The following FBXW7 variants were observed in gnomAD, a reference collection of about 807,000 sequenced individuals.
FBXW7 encodes F-box/WD repeat-containing protein 7.
A neutral mutation model predicts 86.3 loss-of-function variants in FBXW7; 11 were observed. That is an observed-to-expected ratio of 0.13 (90% CI 0.08 to 0.21). The LOEUF (loss-of-function observed/expected upper bound fraction) is 0.21, where lower values mean the gene tolerates loss of function less well. Ranked by LOEUF, FBXW7 falls within the 10% of genes least tolerant of loss-of-function variation. FBXW7 has a pLI of 1.00. For synonymous variants in FBXW7, 313 were observed against 297.9 expected (o/e 1.05, Z -0.52); for missense variants, 488 against 847.4 (o/e 0.58, Z 5.27).
intron 2 of FBXW7, among the ~76,000 whole-genome samples, chr4:152,420,721 T>C (rs2126914553): frequency 6.6e-6 from 1 of 152,310 alleles, no homozygotes; most frequent in South Asian, 2.1e-4. Flanking sequence ...AGCAGTAATA[T>C]TTTGAAAGGA....
chr4:152,332,344 T>C (rs576188479), intron 8 of FBXW7, among the ~76,000 whole-genome samples: 1 of 152,252 alleles, frequency 6.6e-6, no homozygotes, highest in South Asian at 2.1e-4. Context: ...TTCCTTTAAG[T>C]CATCCTCATC....
intron 4 of FBXW7, among the ~76,000 whole-genome samples, chr4:152,384,739 A>C (rs1735385945): frequency 6.6e-6 from 1 of 152,036 alleles, no homozygotes; most frequent in South Asian, 2.1e-4. Flanking sequence ...AAATGATTGA[A>C]AATGGAATAA....
intron 2 of FBXW7, among the ~76,000 whole-genome samples, chr4:152,486,966 C>A (rs1745399727): frequency 6.6e-6 from 1 of 152,068 alleles, no homozygotes; most frequent in Non-Finnish European, 1.5e-5. Flanking sequence ...TTTTTCAGCT[C>A]CATTATAATC....
chr4:152,388,785 TGATTGA>T (rs1224312582), intron 4 of FBXW7, among the ~76,000 whole-genome samples: 4 of 152,184 alleles, frequency 2.6e-5, no homozygotes, highest in Non-Finnish European at 5.9e-5. Context: ...TCTCTTCAGA[TGATTGA>T]GATTAAGTCC....
At chr4:152,497,497 G>A (rs1746480263) in intron 2 of FBXW7, among the ~76,000 whole-genome samples, 1 of 151,664 alleles carries the variant, frequency 6.6e-6, no homozygotes, top group South Asian at 2.1e-4. Context: ...GAACATAAAA[G>A]ATTCACAGAA....
At chr4:152,488,379 G>A (rs1319061277) in intron 2 of FBXW7, among the ~76,000 whole-genome samples, 2 of 151,952 alleles carry the variant, frequency 1.3e-5, no homozygotes, top group African/African-American at 2.4e-5. Context: ...CACTTCACTT[G>A]TCTAACATAA....
chr4:152,379,327 T>C (rs564887423), intron 4 of FBXW7, among the ~76,000 whole-genome samples: 1 of 152,256 alleles, frequency 6.6e-6, no homozygotes, highest in African/African-American at 2.4e-5. Flanking sequence ...AAATTTATCT[T>C]CCCTTAAAAG....
At chr4:152,349,325 G>C (rs926669118) in intron 5 of FBXW7, among the ~76,000 whole-genome samples, 1 of 143,228 alleles carries the variant, frequency 7.0e-6, no homozygotes, top group African/African-American at 2.7e-5. Context: ...AAAAAAAAAA[G>C]CTCTAAGATA....
chr4:152,460,859 T>C (rs1052306974), intron 2 of FBXW7, among the ~76,000 whole-genome samples: 3 of 152,248 alleles, frequency 2.0e-5, no homozygotes, highest in Non-Finnish European at 2.9e-5. Context: ...TCCATTTAGA[T>C]GCATGTTCAA....
At chr4:152,337,658 T>C in intron 7 of FBXW7, 144 bp downstream of exon 7, 1 of 758,642 alleles carries the variant, frequency 1.3e-6, no homozygotes. Flanking sequence ...AATTTATCAA[T>C]TTACAGCCCT....
rs1456547174 is a variant in FBXW7 at position 152,411,774 on chromosome 4, G to C, written c.30C>G (p.Ser10Arg). ...GAGAGCCTCCAGTTCGTCGTCTTTT[G>C]CTGCCCACAGAGAGCAGTTCCTGAT... Reference protein sequence around the residue: MNQELLSVGSKRRRTGGSLR... With the variant: MNQELLSVGRKRRRTGGSLR... Residue 10 changes from serine (S) to arginine (R), a missense_variant, in exon 4 of 14, where the codon AGC becomes AGG. This residue lies in a region of FBXW7 where 230 missense variants were observed against 240.0 expected (regional missense o/e 0.96). Coordinates refer to ENST00000281708, the MANE Select transcript of FBXW7 (RefSeq NM_001349798.2). 1.2e-6 allele frequency: 2 copies of C among 1,612,668 alleles called. No homozygotes were observed. Among genetic ancestry groups the C allele is most frequent in the Non-Finnish European group, 1.7e-6 (2 of 1,179,418 alleles).
chr4:152,342,795 A>C lies in FBXW7; in HGVS notation c.726+4135T>G, dbSNP rs114997620. Among the ~76,000 whole-genome samples the C allele has an allele frequency of 7.6e-3, 1,163 of 152,358 alleles. 10 individuals are homozygous for C. Among genetic ancestry groups the C allele is most frequent in the Non-Finnish European group, 0.012 (799 of 68,024 alleles). ...AATTCAGGTTTTACTTTCTGAAGAAACCAAGAATGAATCTTTTCCTACTTT... is the reference window on the plus strand; with the variant it reads ...AATTCAGGTTTTACTTTCTGAAGAACCCAAGAATGAATCTTTTCCTACTTT... On this transcript the variant is annotated intron_variant, in intron 6 of 13. Transcript: ENST00000281708.
chr4:152,347,323 A>T (rs1010403680), intron 5 of FBXW7, among the ~76,000 whole-genome samples: 1 of 152,194 alleles, frequency 6.6e-6, no homozygotes, highest in Non-Finnish European at 1.5e-5. Flanking sequence ...CAACCAAATA[A>T]CAGAATCTCC....
At chr4:152,332,356 T>C (rs1329129261) in intron 8 of FBXW7, among the ~76,000 whole-genome samples, 2 of 152,174 alleles carry the variant, frequency 1.3e-5, no homozygotes, top group Non-Finnish European at 2.9e-5. Flanking sequence ...ATCCTCATCT[T>C]GACTTTTTCA....
chr4:152,535,664 C>A lies in FBXW7; in HGVS notation c.-750G>T. Reference sequence around the variant, plus strand: ...CCGCATGTGTCGCTGCGGCTGGGACCCCCCTCCCTACACCTTGGGGGTCTC... The same window carrying A: ...CCGCATGTGTCGCTGCGGCTGGGACACCCCTCCCTACACCTTGGGGGTCTC... On this transcript the variant is annotated 5_prime_UTR_variant, in exon 1 of 14. Coordinates refer to ENST00000281708, the MANE Select transcript of FBXW7 (RefSeq NM_001349798.2). The A allele has an allele frequency of 5.0e-6, 2 of 396,398 alleles. No homozygotes were observed. The highest frequency in any genetic ancestry group is 8.9e-6 in the Non-Finnish European group (2 of 224,528). 24.6% of individuals were successfully genotyped at this position (396,398 alleles called of 1,614,324 possible).
chr4:152,352,659 C>T (rs2126663526), intron 4 of FBXW7: 1 of 1,613,820 alleles, frequency 6.2e-7, no homozygotes, highest in Non-Finnish European at 8.5e-7. Flanking sequence ...GATTAGGGAG[C>T]AGAACCGGCA....
intron 12 of FBXW7, 40 bp from the exon 13 acceptor site, chr4:152,324,434 C>A (rs962968551): frequency 3.4e-6 from 5 of 1,467,994 alleles, no homozygotes; most frequent in Non-Finnish European, 4.7e-6. Flanking sequence ...AGTATGGATA[C>A]TCTTCCTATC....
At chr4:152,326,427 T>C (rs1478056491) in intron 11 of FBXW7, among the ~76,000 whole-genome samples, 196 bp from the exon 12 acceptor site, 2 of 151,568 alleles carry the variant, frequency 1.3e-5, no homozygotes, top group East Asian at 3.9e-4. Context: ...GAATGGGAAG[T>C]TGGGAAGCCT....
At chr4:152,518,674 G>A (rs554849569) in intron 2 of FBXW7, among the ~76,000 whole-genome samples, 1 of 152,116 alleles carries the variant, frequency 6.6e-6, no homozygotes, top group African/African-American at 2.4e-5. Context: ...TTTCTGAAAA[G>A]GGCAAAGTTC....
Sources: allele counts gnomAD v4.1 joint callset (sites outside exome capture counted in the v4.1 genomes callset), GRCh38; gene constraint gnomAD v4.1.1; regional missense constraint gnomAD v4.1.1; transcripts MANE v1.5; gene names NCBI Gene and HGNC (gene_info 2026-07-23, HGNC 2026-07-21).